Variants in KCND2 observed in about 807,000 individuals in gnomAD.
The protein encoded by KCND2 is A-type voltage-gated potassium channel KCND2.
Under a neutral mutation model 54.4 loss-of-function variants are expected in KCND2, and 16 were observed. That is an observed-to-expected ratio of 0.29 (90% CI 0.20 to 0.45). The LOEUF (loss-of-function observed/expected upper bound fraction) is 0.45, where lower values mean the gene tolerates loss of function less well. KCND2 is among the 20% of genes least tolerant of loss of function. The pLI, the probability that KCND2 is intolerant of heterozygous loss-of-function variation, is 1.00. For synonymous variants in KCND2, 317 were observed against 310.7 expected (o/e 1.02, Z -0.21); for missense variants, 486 against 824.2 (o/e 0.59, Z 5.02).
intron 1 of KCND2, among the ~76,000 whole-genome samples, chr7:120,404,645 G>A (rs535928160): frequency 6.6e-6 from 1 of 152,212 alleles, no homozygotes; most frequent in South Asian, 2.1e-4. Context: ...TTCAGGCTAG[G>A]GTTCTAAACC....
intron 3 of KCND2, among the ~76,000 whole-genome samples, chr7:120,741,942 T>A (rs556387104): frequency 6.6e-6 from 1 of 152,268 alleles, no homozygotes; most frequent in Admixed American, 6.5e-5. Context: ...GCCTAATTCT[T>A]TTTCATTTCA....
intron 1 of KCND2, among the ~76,000 whole-genome samples, chr7:120,360,291 G>A (rs1444581962): frequency 6.6e-6 from 1 of 152,018 alleles, no homozygotes; most frequent in East Asian, 1.9e-4. Flanking sequence ...ATATCAAGGA[G>A]CCTTAAAAGG....
chr7:120,305,547 A>C lies in KCND2; in HGVS notation c.1115+29800A>C, dbSNP rs73722559. Among the ~76,000 whole-genome samples, 676 of 152,216 alleles carry C rather than the reference A, an allele frequency of 4.4e-3. 7 individuals are homozygous for C. Among genetic ancestry groups the C allele is most frequent in the African/African-American group, 0.015 (641 of 41,522 alleles). On this transcript the variant is annotated intron_variant, in intron 1 of 5. Coordinates refer to ENST00000331113, the MANE Select transcript of KCND2 (RefSeq NM_012281.3). ...TTCCCATTCAGTTTCCCTTATTCTC[A>C]AACACATCTTTTAAATGTGTCTTTC...
intron 1 of KCND2, among the ~76,000 whole-genome samples, chr7:120,591,999 G>A (rs576077322): frequency 6.6e-6 from 1 of 152,266 alleles, no homozygotes; most frequent in South Asian, 2.1e-4. Context: ...GATTCTAGGC[G>A]CTGATTAAAA....
At chr7:120,594,789 A>G (rs1012051673) in intron 1 of KCND2, among the ~76,000 whole-genome samples, 7 of 152,170 alleles carry the variant, frequency 4.6e-5, no homozygotes, top group Non-Finnish European at 8.8e-5. Context: ...TGGGAGGCCA[A>G]GGTGGGTGGA....
At chr7:120,683,981 C>A (rs1396104968) in intron 1 of KCND2, among the ~76,000 whole-genome samples, 2 of 151,992 alleles carry the variant, frequency 1.3e-5, no homozygotes, top group East Asian at 1.9e-4. Flanking sequence ...CTTTTCTTTT[C>A]TTTTTAATGA....
chr7:120,484,066 G>A (rs1396648098), intron 1 of KCND2, among the ~76,000 whole-genome samples: 3 of 152,084 alleles, frequency 2.0e-5, no homozygotes, highest in Non-Finnish European at 4.4e-5. Flanking sequence ...GATTGATGAG[G>A]AGCAAGATCC....
chr7:120,348,301 G>A (rs1239473459), intron 1 of KCND2, among the ~76,000 whole-genome samples: 1 of 152,078 alleles, frequency 6.6e-6, no homozygotes, highest in Non-Finnish European at 1.5e-5. Flanking sequence ...AGCTGATAGA[G>A]GCATGGTTTC....
chr7:120,737,075 C>A (rs10245157), intron 2 of KCND2, among the ~76,000 whole-genome samples: 9,238 of 112,858 alleles, frequency 0.082, 866 homozygotes, highest in African/African-American at 0.27. Context: ...CACACACACA[C>A]AAACAAAAAA....
intron 1 of KCND2, among the ~76,000 whole-genome samples, chr7:120,312,899 A>T (rs1009763230): frequency 1.2e-4 from 18 of 150,522 alleles, no homozygotes; most frequent in Admixed American, 7.2e-4. Flanking sequence ...GACTTTTTTT[A>T]AAAAAAAGAC....
At chr7:120,587,905 C>T in intron 1 of KCND2, among the ~76,000 whole-genome samples, 1 of 152,102 alleles carries the variant, frequency 6.6e-6, no homozygotes, top group East Asian at 1.9e-4. Context: ...GTGGTAGACC[C>T]TAAGATCACC....
chr7:120,485,565 G>T (rs1398154858), intron 1 of KCND2, among the ~76,000 whole-genome samples: 1 of 152,128 alleles, frequency 6.6e-6, no homozygotes, highest in Non-Finnish European at 1.5e-5. Context: ...CAGATGACCT[G>T]ACTCTACTGA....
At chr7:120,310,934 C>CAA (rs1023300696) in intron 1 of KCND2, among the ~76,000 whole-genome samples, 6 of 58,126 alleles carry the variant, frequency 1.0e-4, no homozygotes, top group African/African-American at 2.8e-4. Context: ...AGACTCTGTC[C>CAA]AAAAAAAAAA....
chr7:120,487,032 C>T lies in KCND2; in HGVS notation c.1115+211285C>T, dbSNP rs1408150608. Among the ~76,000 whole-genome samples, 3 of 152,090 alleles carry T rather than the reference C, an allele frequency of 2.0e-5. No homozygotes were observed. The East Asian group carries it at 5.8e-4, about 29-fold the overall frequency. On this transcript the variant is annotated intron_variant, in intron 1 of 5. Transcript: ENST00000331113. Reference sequence around the variant, plus strand: ...TCAAGGCTGCAAATGGCTTTGAAAGCCATAAATTGTAAAATCAATATGCTA... The same window carrying T: ...TCAAGGCTGCAAATGGCTTTGAAAGTCATAAATTGTAAAATCAATATGCTA...
chr7:120,463,357 A>G (rs1802312215), intron 1 of KCND2, among the ~76,000 whole-genome samples: 1 of 151,986 alleles, frequency 6.6e-6, no homozygotes, highest in Non-Finnish European at 1.5e-5. Context: ...TCACATGTAT[A>G]ATCTCTAAAG....
chr7:120,662,095 T>C (rs117140036), intron 1 of KCND2, among the ~76,000 whole-genome samples: 1,920 of 152,302 alleles, frequency 0.013, 13 homozygotes, highest in Non-Finnish European at 0.018. Context: ...AGGCAAAACT[T>C]ATATTAAGTA....
chr7:120,477,323 G>A (rs562854232), intron 1 of KCND2, among the ~76,000 whole-genome samples: 26 of 152,196 alleles, frequency 1.7e-4, no homozygotes, highest in South Asian at 1.2e-3. Context: ...TTCCTCAGTC[G>A]TCACAAACAT....
intron 2 of KCND2, chr7:120,740,709 A>G (rs1284483750): frequency 3.1e-6 from 1 of 318,336 alleles, no homozygotes; most frequent in South Asian, 2.8e-5. Context: ...TAAACCCTCT[A>G]CATTGAAGGA....
At chr7:120,608,198 A>T (rs1792907855) in intron 1 of KCND2, among the ~76,000 whole-genome samples, 1 of 152,124 alleles carries the variant, frequency 6.6e-6, no homozygotes, top group African/African-American at 2.4e-5. Flanking sequence ...TGGGAAAATT[A>T]TAAATTAAAA....
Sources: gnomAD v4.1 joint callset for allele counts (sites outside exome capture counted in the v4.1 genomes callset) on GRCh38, gnomAD v4.1.1 for gene constraint, MANE v1.5 for transcripts, NCBI Gene and HGNC (gene_info 2026-07-23, HGNC 2026-07-21) for gene names.